RASSF3: variants seen among roughly 807,000 people sequenced by gnomAD.
The protein encoded by RASSF3 is ras association domain-containing protein 3.
RASSF3 carries 19 observed loss-of-function variants against 19.9 expected under a neutral mutation model. The observed-to-expected ratio is 0.96, with a 90% CI of 0.67 to 1.40. RASSF3 has a LOEUF of 1.40. Ranked by LOEUF, RASSF3 falls within the 40% of genes most tolerant of loss-of-function variation. RASSF3 has a pLI of 0.00. For missense variants in RASSF3, 306 were observed against 289.8 expected (o/e 1.06, Z -0.41); for synonymous variants, 110 against 104.2 (o/e 1.06, Z -0.34).
chr12:64,550,847 GA>G (rs1008103804), intron 2 of RASSF3, among the ~76,000 whole-genome samples: 12 of 119,504 alleles, frequency 1.0e-4, no homozygotes, highest in African/African-American at 2.9e-4. Context: ...AGAAAGAAAG[GA>G]AAAAAAAAAG....
exon 1 of RASSF3, chr12:64,507,165 T>G (rs1378100756): frequency 2.5e-6 from 1 of 398,524 alleles, no homozygotes; most frequent in African/African-American, 2.1e-5. Flanking sequence ...TCATCCATGC[T>G]CTCTGTAGCG....
chr12:64,532,155 G>A (rs530970666), upstream of RASSF3, among the ~76,000 whole-genome samples: 2 of 152,268 alleles, frequency 1.3e-5, no homozygotes, highest in African/African-American at 2.4e-5. Flanking sequence ...ACAAGTCAAC[G>A]GCAACACTGA....
chr12:64,655,797 C>T (rs534076372), intron 1 of RASSF3, among the ~76,000 whole-genome samples: 354 of 151,982 alleles, frequency 2.3e-3, no homozygotes, highest in African/African-American at 8.1e-3. Context: ...GAGGCCGAGG[C>T]GGGCGGATCA....
At chr12:64,554,295 G>A (rs571533811) in intron 2 of RASSF3, among the ~76,000 whole-genome samples, 3 of 152,070 alleles carry the variant, frequency 2.0e-5, no homozygotes, top group African/African-American at 7.2e-5. Context: ...TGAAATGTGT[G>A]TGTGGTTTTT....
chr12:64,562,185 C>T (rs1274116554), intron 2 of RASSF3, among the ~76,000 whole-genome samples: 4 of 151,900 alleles, frequency 2.6e-5, no homozygotes, highest in African/African-American at 4.8e-5. Context: ...GGACTACAGG[C>T]GTGCGCCACC....
At chr12:64,637,855 CAG>C (rs747550194) in intron 1 of RASSF3, among the ~76,000 whole-genome samples, 5 of 147,284 alleles carry the variant, frequency 3.4e-5, no homozygotes, top group African/African-American at 7.5e-5. Context: ...TTTTTAAAGA[CAG>C]AGTCTTGCTC....
At chr12:64,626,661 A>C (rs1871008207) in intron 1 of RASSF3, among the ~76,000 whole-genome samples, 1 of 152,094 alleles carries the variant, frequency 6.6e-6, no homozygotes. Context: ...TCCTGGACTC[A>C]AGTGATCCTC....
chr12:64,576,081 G>T (rs1194051001), intron 2 of RASSF3, among the ~76,000 whole-genome samples: 1 of 151,928 alleles, frequency 6.6e-6, no homozygotes, highest in Non-Finnish European at 1.5e-5. Flanking sequence ...TAGAGACAGG[G>T]TTTCTCCATG....
At chr12:64,682,385 T>C (rs953162578) in intron 1 of RASSF3, among the ~76,000 whole-genome samples, 61 of 151,934 alleles carry the variant, frequency 4.0e-4, no homozygotes, top group African/African-American at 1.2e-3. Flanking sequence ...TCCTGGCTAA[T>C]ACGGTGAAAC....
chr12:64,681,575 T>C (rs1873128276), intron 1 of RASSF3, among the ~76,000 whole-genome samples: 1 of 152,216 alleles, frequency 6.6e-6, no homozygotes, highest in Non-Finnish European at 1.5e-5. Context: ...GTACACTTTT[T>C]AGTATATGCT....
chr12:64,605,923 T>C (rs990520121), upstream of RASSF3, among the ~76,000 whole-genome samples: 3 of 148,080 alleles, frequency 2.0e-5, no homozygotes, highest in Non-Finnish European at 4.5e-5. Context: ...CGAGATAATA[T>C]CTTATGTCAC....
At chr12:64,631,045 C>G (rs377031177) in intron 1 of RASSF3, among the ~76,000 whole-genome samples, 1 of 152,012 alleles carries the variant, frequency 6.6e-6, no homozygotes, top group Non-Finnish European at 1.5e-5. Context: ...CTTCAGGATT[C>G]GTTGAAGTCA....
chr12:64,591,802 T>A (rs1869928358), intron 2 of RASSF3, among the ~76,000 whole-genome samples: 1 of 152,226 alleles, frequency 6.6e-6, no homozygotes, highest in African/African-American at 2.4e-5. Context: ...ATCAGAACTA[T>A]AAACCTAGAT....
At chr12:64,594,477 A>G (rs1445632973) in intron 2 of RASSF3, among the ~76,000 whole-genome samples, 3 of 152,226 alleles carry the variant, frequency 2.0e-5, no homozygotes, top group East Asian at 3.8e-4. Flanking sequence ...ATGTTTTATT[A>G]CTATAAATTT....
At chr12:64,565,283 G>A (rs938842469) in intron 2 of RASSF3, among the ~76,000 whole-genome samples, 1 of 152,002 alleles carries the variant, frequency 6.6e-6, no homozygotes, top group Non-Finnish European at 1.5e-5. Context: ...ATACCTAAAG[G>A]ATAAAAGAGC....
rs10688391 is a variant in RASSF3, at chr12:64,689,220, G to GGTGTGT, written c.457+788_457+793dup. Among the ~76,000 whole-genome samples, 592 of 147,504 alleles carry GGTGTGT rather than the reference G, an allele frequency of 4.0e-3. 4 individuals carry two copies. Among genetic ancestry groups the GGTGTGT allele is most frequent in the Middle Eastern group, 0.01 (3 of 288 alleles). On this transcript the variant is annotated intron_variant, in intron 3 of 4. Coordinates refer to ENST00000542104, the MANE Select transcript of RASSF3 (RefSeq NM_178169.4). ...CTCACTACATGCGATTTGAAATCGGGGTGTGTGTGTGTGTGTGTGTGTGTG... is the reference window on the plus strand; with the variant it reads ...CTCACTACATGCGATTTGAAATCGGGGTGTGTGTGTGTGTGTGTGTGTGTGTGTGTG...
intron 1 of RASSF3, among the ~76,000 whole-genome samples, chr12:64,664,895 A>G (rs1204983011): frequency 6.6e-6 from 1 of 152,234 alleles, no homozygotes; most frequent in Non-Finnish European, 1.5e-5. Flanking sequence ...GGTATTAAAA[A>G]TTATACTTCT....
In RASSF3 at chr12:64,578,465, G is replaced by T. The variant is rs529502491; in HGVS notation, c.294+36760G>T. Reference sequence around the variant, plus strand: ...GGCCAGGAGTTCAAGACCAGCCTAGGCAATATAGCAAGACCCTGTCTCTAC... The same window carrying T: ...GGCCAGGAGTTCAAGACCAGCCTAGTCAATATAGCAAGACCCTGTCTCTAC... On this transcript the variant is annotated intron_variant, in intron 2 of 5. Transcript: ENST00000637125. Among the ~76,000 whole-genome samples the T allele has an allele frequency of 3.9e-5, 6 of 152,132 alleles. No individual in the cohort carries two copies. The East Asian group carries it at 1.2e-3, about 30-fold the overall frequency.
chr12:64,515,154 T>A (rs1345163850), intron 1 of RASSF3, among the ~76,000 whole-genome samples: 1 of 152,144 alleles, frequency 6.6e-6, no homozygotes, highest in African/African-American at 2.4e-5. Context: ...CCTCCCGTGT[T>A]CAAGCGATTC....
Sources: gnomAD v4.1 joint callset for allele counts (sites outside exome capture counted in the v4.1 genomes callset) on GRCh38, gnomAD v4.1.1 for gene constraint, MANE v1.5 for transcripts, NCBI Gene and HGNC (gene_info 2026-07-23, HGNC 2026-07-21) for gene names.